The following ZNF217 variants were observed in gnomAD, a reference collection of about 807,000 sequenced individuals.
The protein encoded by ZNF217 is zinc finger protein 217.
A neutral mutation model predicts 73.3 loss-of-function variants in ZNF217; 12 were observed. The observed-to-expected ratio is 0.16, with a 90% CI of 0.10 to 0.27. The LOEUF (loss-of-function observed/expected upper bound fraction) is 0.27. Ranked by LOEUF, ZNF217 falls within the 10% of genes least tolerant of loss-of-function variation. The pLI is 1.00. For synonymous variants in ZNF217, 588 were observed against 516.4 expected (o/e 1.14, Z -1.88); for missense variants, 1,195 against 1,327.8 (o/e 0.90, Z 1.55).
chr20:53,582,225 T>C lies in ZNF217; in HGVS notation c.602A>G (p.Glu201Gly), dbSNP rs1988538917. 1 of 1,614,050 alleles carries C rather than the reference T, an allele frequency of 6.2e-7. No individual in the cohort carries two copies. Among genetic ancestry groups the C allele is most frequent in the Admixed American group, 1.7e-5 (1 of 60,008 alleles). Residue 201 changes from glutamate (E) to glycine (G), a missense_variant, in exon 2 of 6, where the codon GAG becomes GGG. Around this residue, in one of 9 missense-constraint regions of ZNF217, gnomAD observed 31 missense variants for 72.2 expected, o/e 0.43. Transcript: ENST00000371471. The surrounding 1 kb of genome is among the most constrained non-coding windows in gnomAD (Gnocchi z 4.8). ...CTCGGCCGCGTGCACCTGGACGACC[T>C]CGTTGATCGTTGCTGGACTACTCTC... ...GLESSPATIN[E>G]VVQVHAAESI...
At position 53,581,761 on chromosome 20, in the gene ZNF217, C is replaced by T. The variant is rs769042365; in HGVS notation, c.1066G>A (p.Gly356Ser). Residue 356 changes from glycine (G) to serine (S), a missense_variant, in exon 2 of 6, where the codon GGC becomes AGC. Gly to Ser is a moderately conservative substitution (Grantham distance 56). Transcript: ENST00000371471. The surrounding 1 kb of genome is among the most constrained non-coding windows in gnomAD (Gnocchi z 4.9). ...TCCGCGTCCACGGAGGGCGCTTCGC[C>T]GTGGGAGTGTTTGCACTTCTCTTTC... ...QEKEKCKHSH[G>S]EAPSVDADPK... 1.2e-6 allele frequency: 2 copies of T among 1,614,220 alleles called. No homozygotes were observed. The highest frequency in any genetic ancestry group is 1.1e-5 in the South Asian group (1 of 91,088).
intron 1 of ZNF217, among the ~76,000 whole-genome samples, chr20:53,591,377 A>T (rs180936804): frequency 6.6e-6 from 1 of 152,380 alleles, no homozygotes; most frequent in Non-Finnish European, 1.5e-5. Flanking sequence ...AAATAAAGAC[A>T]ATTCTAAAGG....
At chr20:53,583,407 T>C (rs1988582128) in intron 1 of ZNF217, among the ~76,000 whole-genome samples, 1 of 152,228 alleles carries the variant, frequency 6.6e-6, no homozygotes, top group Admixed American at 6.5e-5. Context: ...TTTAAATCAG[T>C]GCTTTACCGA....
chr20:53,591,772 T>C (rs1174675123), intron 1 of ZNF217, among the ~76,000 whole-genome samples: 1 of 152,240 alleles, frequency 6.6e-6, no homozygotes, highest in African/African-American at 2.4e-5. Flanking sequence ...TCTGCACTTG[T>C]CACTGCAGAC....
At chr20:53,575,302 T>C (rs139181834) in intron 4 of ZNF217, 1 of 155,732 alleles carries the variant, frequency 6.4e-6, no homozygotes, top group Non-Finnish European at 1.4e-5. Context: ...GGCAACTCCA[T>C]CTCTACAAAA....
At chr20:53,579,839 A>G (rs1034495326) in intron 2 of ZNF217, among the ~76,000 whole-genome samples, 1 of 152,220 alleles carries the variant, frequency 6.6e-6, no homozygotes, top group Non-Finnish European at 1.5e-5. Flanking sequence ...AGGTTAAGCA[A>G]CTCATAATTG....
rs1389226596 is a variant in ZNF217, at chr20:53,581,101, T to C, written c.1366+360A>G. On this transcript the variant is annotated intron_variant, in intron 2 of 5. Transcript: ENST00000371471. This position sits in a 1 kb window ranked among gnomAD's most constrained non-coding sequence, Gnocchi z 4.9. ...CAAAATGCCTCCAGACATTGCCAGA[T>C]ACTGATTGGGAACAAAATCGCCCCA... 6.6e-6 allele frequency among the ~76,000 whole-genome samples: 1 copy of C among 152,162 alleles called. No individual in the cohort carries two copies. Among genetic ancestry groups the C allele is most frequent in the Non-Finnish European group, 1.5e-5 (1 of 68,024 alleles).
In ZNF217 at chr20:53,577,122, T is replaced by TTAA; in HGVS notation, c.1639_1641dup (p.Leu547dup). On this transcript the variant is annotated inframe_insertion, in exon 4 of 6. Transcript: ENST00000371471. ...TTTTTGGTTTGCGCACTGTCAGCGG[T>TTAA]TAATAGTGCATCTTCAGTGTCCTGA... 6.2e-7 allele frequency: 1 copy of TTAA among 1,614,236 alleles called. No homozygotes were observed. Among genetic ancestry groups the TTAA allele is most frequent in the Non-Finnish European group, 8.5e-7 (1 of 1,180,048 alleles).
At chr20:53,595,738 G>A (rs926682185), upstream of ZNF217, among the ~76,000 whole-genome samples, 12 of 152,130 alleles carry the variant, frequency 7.9e-5, no homozygotes, top group Admixed American at 2.0e-4. Flanking sequence ...GACAAAGGAT[G>A]AATACCTATC....
Position 53,581,700 on chromosome 20 carries a change from T to C in ZNF217, c.1127A>G (p.His376Arg). ...KLPSSKEKPTHCSECGKAFRT... is the reference protein window; with the variant it reads ...KLPSSKEKPTRCSECGKAFRT... ...GAAAGCTTTGCCGCACTCGGAGCAG[T>C]GAGTGGGCTTCTCCTTGCTACTGGG... Residue 376 changes from histidine (H) to arginine (R), a missense_variant, in exon 2 of 6, where the codon CAC becomes CGC. His to Arg is a conservative substitution (Grantham distance 29, BLOSUM62 0). Coordinates refer to ENST00000371471, the MANE Select transcript of ZNF217 (RefSeq NM_006526.3). The surrounding 1 kb of genome is among the most constrained non-coding windows in gnomAD (Gnocchi z 4.9). 6.2e-7 allele frequency: 1 copy of C among 1,614,232 alleles called. No individual in the cohort carries two copies. Among genetic ancestry groups the C allele is most frequent in the Non-Finnish European group, 8.5e-7 (1 of 1,180,022 alleles).
rs1468242641 is a variant in ZNF217 at position 53,581,589 on chromosome 20, T to C, written c.1238A>G (p.Asp413Gly). The C allele has an allele frequency of 1.9e-6, 3 of 1,614,116 alleles. No homozygotes were observed. Among genetic ancestry groups the C allele is most frequent in the Non-Finnish European group, 1.7e-6 (2 of 1,180,046 alleles). Residue 413 changes from aspartate to glycine, a missense_variant, in exon 2 of 6, where the codon GAC becomes GGC. Around this residue, in one of 9 missense-constraint regions of ZNF217, gnomAD observed 116 missense variants for 121.9 expected, o/e 0.95. Transcript: ENST00000371471. The surrounding 1 kb of genome is among the most constrained non-coding windows in gnomAD (Gnocchi z 4.9). ...AGAACACGTCCCCGGCTGCCTCCCG[T>C]CCACAGACATGGTGGGCGACTCCGC... ...AGAESPTMSV[D>G]GRQPGTCSPD...
chr20:53,581,327 G>A lies in ZNF217; in HGVS notation c.1366+134C>T, dbSNP rs1988472618. 3.2e-6 allele frequency: 4 copies of A among 1,268,490 alleles called. No homozygotes were observed. Among genetic ancestry groups the A allele is most frequent in the Non-Finnish European group, 4.3e-6 (4 of 936,686 alleles). 78.6% of individuals were successfully genotyped at this position (1,268,490 alleles called of 1,614,324 possible). A position where few individuals can be genotyped will look rare whatever the true frequency, so the allele number is the denominator to read the frequency against. ...GACTTACACAGAGTGATACCAAAAA[G>A]AGCCTGGACTTGACTCTGGCTCTCC... is the stretch of plus-strand genomic sequence containing the variant. On this transcript the variant is annotated intron_variant, in intron 2 of 5. Transcript: ENST00000371471. This position sits in a 1 kb window ranked among gnomAD's most constrained non-coding sequence, Gnocchi z 4.9.
chr20:53,589,407 A>G (rs1988805345), intron 1 of ZNF217, among the ~76,000 whole-genome samples: 1 of 152,252 alleles, frequency 6.6e-6, no homozygotes, highest in Non-Finnish European at 1.5e-5. Context: ...TACCCTGGAC[A>G]GGAAGTAATG....
chr20:53,592,473 C>T (rs1988911846), intron 1 of ZNF217, among the ~76,000 whole-genome samples: 1 of 152,184 alleles, frequency 6.6e-6, no homozygotes, highest in African/African-American at 2.4e-5. Context: ...TTTCTAGCTC[C>T]TGTAACTAAA....
chr20:53,571,766 C>T lies in ZNF217; in HGVS notation c.3125G>A (p.Arg1042Gln), dbSNP rs1240213810. 6 of 1,611,294 alleles carry T rather than the reference C, an allele frequency of 3.7e-6. No individual in the cohort carries two copies. The highest frequency in any genetic ancestry group is 1.3e-5 in the African/African-American group (1 of 74,646). The change falls in exon 5 of 6, where the codon CGA becomes CAA. Residue 1042 changes from arginine (R) to glutamine (Q), a missense_variant. By Grantham distance (43) the Arg-to-Gln change is conservative. Coordinates refer to ENST00000371471, the MANE Select transcript of ZNF217 (RefSeq NM_006526.3). ...GAATCAAGTTTTTTTGTCATTTGGT[C>T]GATAATGTGCATTCCCAATAAAATT... ...YENFIGNAHY[R>Q]PNDKKT
chr20:53,578,304 T>C (rs371660143), intron 3 of ZNF217, 30 bp downstream of exon 3: 12 of 1,432,854 alleles, frequency 8.4e-6, no homozygotes, highest in South Asian at 3.8e-5. Flanking sequence ...ATTTAACTAA[T>C]GCATGGTTAA....
chr20:53,578,461 A>G lies in ZNF217; in HGVS notation c.1367-11T>C. On this transcript the variant is annotated splice_polypyrimidine_tract_variant and intron_variant, in intron 2 of 5. Transcript: ENST00000371471. ...CATCATCATTTTTATCTTAAAGGAA[A>G]AACAAAAATATTTATATAAGAAGGT... 1.3e-6 allele frequency: 2 copies of G among 1,514,838 alleles called. No homozygotes were observed. The highest frequency in any genetic ancestry group is 1.8e-6 in the Non-Finnish European group (2 of 1,119,064). The allele number at this position is 1,514,838 out of a possible 1,614,324, so 93.8% of individuals were successfully genotyped here.
At chr20:53,597,082 A>AT (rs1989053054), upstream of ZNF217, among the ~76,000 whole-genome samples, 3 of 104,562 alleles carry the variant, frequency 2.9e-5, no homozygotes, top group East Asian at 6.1e-4. Context: ...TAGTAACATA[A>AT]CAAAAAAAAA....
In ZNF217 at chr20:53,576,034, T is replaced by C; in HGVS notation, c.2730A>G (p.Ala910=). ...TTTTTGGAAGGGGCTCACCAAATTC[T>C]GCTGCAGTATTGCTGGCACTCCGAT... ...FCNRSASNTA[A]EFGEPLPKRL... The change falls in exon 4 of 6, where the codon GCA becomes GCG. Residue 910 remains alanine (A), a synonymous_variant. Transcript: ENST00000371471. 6.2e-7 allele frequency: 1 copy of C among 1,614,242 alleles called. No individual in the cohort carries two copies. Among genetic ancestry groups the C allele is most frequent in the South Asian group, 1.1e-5 (1 of 91,084 alleles).
Sources: allele counts gnomAD v4.1 joint callset (sites outside exome capture counted in the v4.1 genomes callset), GRCh38; gene constraint gnomAD v4.1.1; regional missense constraint gnomAD v4.1.1; non-coding constraint Gnocchi (gnomAD v3.1); transcripts MANE v1.5; gene names NCBI Gene and HGNC (gene_info 2026-07-23, HGNC 2026-07-21).